Variants in POLN observed in about 807,000 individuals in gnomAD.
POLN encodes DNA polymerase N.
Under a neutral mutation model 113.5 loss-of-function variants are expected in POLN, and 108 were observed. That is an observed-to-expected ratio of 0.95 (90% confidence interval 0.81 to 1.12). The LOEUF is 1.12. Ranked by LOEUF, POLN falls within the 50% of genes most tolerant of loss-of-function variation. The pLI is 0.00. For synonymous variants in POLN, 386 were observed against 391.5 expected, an observed-to-expected ratio of 0.99 and a Z score of 0.17; for missense variants, 1,097 against 1,077.1, an observed-to-expected ratio of 1.02 and a Z score of -0.26.
At chr4:2,165,745 T>C (rs1362825428) in intron 13 of POLN, among the ~76,000 whole-genome samples, 1 of 152,134 alleles carries the variant, frequency 6.6e-6, no homozygotes, top group Non-Finnish European at 1.5e-5. Flanking sequence ...CTGTACTTTC[T>C]GCTCAATTTT....
At chr4:2,201,277 C>CA (rs35399602) in intron 5 of POLN, among the ~76,000 whole-genome samples, 12,230 of 15,762 alleles carry the variant, frequency 0.78, 5,784 homozygotes, top group Non-Finnish European at 0.83. Context: ...CCTACCACTC[C>CA]AAAAAAAAAA....
chr4:2,236,606 C>T lies in POLN; in HGVS notation c.-13+4914G>A. 4.8e-6 allele frequency: 3 copies of T among 624,128 alleles called. No homozygotes were observed. In the South Asian group the frequency reaches 6.0e-5, roughly 13 times the overall value. The allele number at this position is 624,128 out of a possible 1,614,324, so 38.7% of individuals were successfully genotyped here. On this transcript the variant is annotated intron_variant, in intron 2 of 25. Transcript: ENST00000511885. ...GGGTACAGTAGCTCACGCCTGTAATCCTAGCACTTTGGGAGGCCAAGGCGG... is the reference window on the plus strand; with the variant it reads ...GGGTACAGTAGCTCACGCCTGTAATTCTAGCACTTTGGGAGGCCAAGGCGG...
chr4:2,108,592 T>C (rs1372069843), intron 19 of POLN, among the ~76,000 whole-genome samples: 1 of 152,196 alleles, frequency 6.6e-6, no homozygotes, highest in Admixed American at 6.5e-5. Flanking sequence ...CAGGTCCAAA[T>C]TAAACACGCA....
intron 25 of POLN, 31 bp downstream of exon 25, chr4:2,072,937 G>A (rs1214879365): frequency 6.2e-7 from 1 of 1,610,508 alleles, no homozygotes; most frequent in Non-Finnish European, 8.5e-7. Flanking sequence ...CTGGGCTCCG[G>A]AAGACCGGGC....
chr4:2,224,931 C>A (rs1475615812), intron 3 of POLN, among the ~76,000 whole-genome samples: 1 of 151,364 alleles, frequency 6.6e-6, no homozygotes, highest in Non-Finnish European at 1.5e-5. Context: ...GCCTGGGTGA[C>A]AAGAGTGAAA....
At chr4:2,178,880 G>A (rs1262580474) in intron 8 of POLN, among the ~76,000 whole-genome samples, 1 of 152,166 alleles carries the variant, frequency 6.6e-6, no homozygotes, top group Non-Finnish European at 1.5e-5. Flanking sequence ...CCAAAGTGCT[G>A]TGATTACAGG....
rs548536222 is a variant in POLN at position 2,118,785 on chromosome 4, G to C, written c.1982+9328C>G. Among the ~76,000 whole-genome samples, 36 of 152,344 alleles carry C rather than the reference G, an allele frequency of 2.4e-4. No individual in the cohort carries two copies. The East Asian group carries it at 5.4e-3, about 23-fold the overall frequency. On this transcript the variant is annotated intron_variant, in intron 19 of 25. Coordinates refer to ENST00000511885, the MANE Select transcript of POLN (RefSeq NM_181808.4). ...CACTCCCAACCCTCACTGCCTTACA[G>C]CAAGAATGGTTTATTTCTCATCCTC...
intron 2 of POLN, chr4:2,240,364 A>G: frequency 6.2e-7 from 1 of 1,604,198 alleles, no homozygotes; most frequent in Non-Finnish European, 8.5e-7. Context: ...AATTGCGATA[A>G]AAATACCAGT....
At chr4:2,183,439 AT>A (rs1268810530) in intron 7 of POLN, among the ~76,000 whole-genome samples, 1 of 152,264 alleles carries the variant, frequency 6.6e-6, no homozygotes, top group African/African-American at 2.4e-5. Context: ...TATGAATATT[AT>A]TCAGCCATAA....
At chr4:2,191,590 T>A (rs560485936) in intron 7 of POLN, among the ~76,000 whole-genome samples, 3 of 152,110 alleles carry the variant, frequency 2.0e-5, no homozygotes, top group Non-Finnish European at 4.4e-5. Flanking sequence ...TATCAAAATA[T>A]CACAAGTTCC....
At chr4:2,140,659 C>T (rs1731977312) in intron 16 of POLN, among the ~76,000 whole-genome samples, 1 of 151,780 alleles carries the variant, frequency 6.6e-6, no homozygotes, top group African/African-American at 2.4e-5. Flanking sequence ...GAGGCATGAG[C>T]ATTGCTTGAA....
intron 19 of POLN, among the ~76,000 whole-genome samples, chr4:2,121,752 TAG>T (rs935761032): frequency 6.6e-6 from 1 of 152,100 alleles, no homozygotes; most frequent in African/African-American, 2.4e-5. Context: ...TCATCCTTGT[TAG>T]AGTTTATCAA....
intron 2 of POLN, chr4:2,230,909 A>G (rs1002483666): frequency 6.6e-6 from 1 of 152,226 alleles, no homozygotes. Context: ...TGTTAAATAC[A>G]ATTAGACATT....
intron 9 of POLN, 89 bp downstream of exon 9, chr4:2,176,177 A>T: frequency 3.9e-6 from 4 of 1,025,406 alleles, no homozygotes; most frequent in Non-Finnish European, 4.5e-6. Flanking sequence ...CGTTTCCTTC[A>T]CATTCAAACT....
intron 5 of POLN, among the ~76,000 whole-genome samples, chr4:2,206,844 T>C (rs1733856782): frequency 6.6e-6 from 1 of 152,144 alleles, no homozygotes; most frequent in Admixed American, 6.6e-5. Flanking sequence ...GTGTGGAAAT[T>C]CCTTAAAGAA....
intron 3 of POLN, chr4:2,228,665 A>G (rs902262620): frequency 1.7e-5 from 3 of 174,806 alleles, no homozygotes; most frequent in African/African-American, 7.2e-5. Flanking sequence ...ACCACATCAT[A>G]AATCCATATA....
At chr4:2,189,340 T>C (rs1392730017) in intron 7 of POLN, among the ~76,000 whole-genome samples, 1 of 152,206 alleles carries the variant, frequency 6.6e-6, no homozygotes, top group African/African-American at 2.4e-5. Flanking sequence ...TTAATATTGT[T>C]AAAATATCAA....
At position 2,153,740 on chromosome 4, in the gene POLN, G is replaced by A. The variant is rs372327475; in HGVS notation, c.1731+3048C>T. On this transcript the variant is annotated intron_variant, in intron 16 of 25. Transcript: ENST00000511885. ...TGGGACCACAGGCGCCCACTACCACGCCCGGCTAATTTTTTTTGCATGTTT... is the reference window on the plus strand; with the variant it reads ...TGGGACCACAGGCGCCCACTACCACACCCGGCTAATTTTTTTTGCATGTTT... 2.1e-3 allele frequency among the ~76,000 whole-genome samples: 320 copies of A among 151,594 alleles called. 1 individual carries two copies. The highest frequency in any genetic ancestry group is 7.2e-3 in the African/African-American group (298 of 41,392).
chr4:2,140,227 G>A (rs1465622462), intron 16 of POLN, among the ~76,000 whole-genome samples: 9 of 152,004 alleles, frequency 5.9e-5, no homozygotes, highest in African/African-American at 1.2e-4. Context: ...ACAGGCGTGC[G>A]CCACCACACC....
Sources: gnomAD v4.1 joint callset for allele counts (sites outside exome capture counted in the v4.1 genomes callset) on GRCh38, gnomAD v4.1.1 for gene constraint, MANE v1.5 for transcripts, NCBI Gene and HGNC (gene_info 2026-07-23, HGNC 2026-07-21) for gene names.